Variants in DNAH3 observed in about 807,000 individuals in gnomAD.
DNAH3 encodes dynein axonemal heavy chain 3, also known as axonemal beta dynein heavy chain 3.
DNAH3 carries 332 observed loss-of-function variants against 432.5 expected under a neutral mutation model. The ratio of observed to expected loss-of-function variants is 0.77; its 90% confidence interval spans 0.70 to 0.84. The LOEUF is 0.84. Ranked by LOEUF, DNAH3 falls within the 40% of genes least tolerant of loss-of-function variation. The pLI, the probability that DNAH3 is intolerant of heterozygous loss-of-function variation, is 0.00. For synonymous variants in DNAH3, 1,956 were observed against 1,900.2 expected (o/e 1.03, Z -0.76); for missense variants, 4,861 against 5,114.0 (o/e 0.95, Z 1.51).
chr16:20,987,886 G>C, intron 45 of DNAH3, 37 bp from the exon 46 acceptor site: 2 of 1,613,956 alleles, frequency 1.2e-6, no homozygotes, highest in East Asian at 2.2e-5. Flanking sequence ...GTCAAGGAGG[G>C]GCCAGAAACT....
At chr16:20,984,977 C>T in intron 48 of DNAH3, 72 bp downstream of exon 48, 2 of 1,298,166 alleles carry the variant, frequency 1.5e-6, no homozygotes, top group Non-Finnish European at 2.1e-6. Context: ...AAGGGATTGG[C>T]CTGCTCAGGG....
intron 31 of DNAH3, among the ~76,000 whole-genome samples, chr16:21,044,419 T>G (rs1351369531): frequency 1.1e-3 from 144 of 132,202 alleles, no homozygotes; most frequent in South Asian, 3.5e-3. Context: ...CTAGGTATTT[T>G]ATTCTCTTTG....
At chr16:21,137,185 C>A (rs1263653153) in intron 5 of DNAH3, among the ~76,000 whole-genome samples, 4 of 151,532 alleles carry the variant, frequency 2.6e-5, no homozygotes, top group African/African-American at 7.3e-5. Context: ...TAGAATTTAC[C>A]CCCCGGAAGC....
At chr16:21,060,274 G>A (rs1461382233) in exon 26 of DNAH3, 2 of 1,613,632 alleles carry the variant, frequency 1.2e-6, no homozygotes, top group Admixed American at 3.3e-5. Context: ...CTTGACATAT[G>A]CTTCAATCCC....
intron 21 of DNAH3, among the ~76,000 whole-genome samples, chr16:21,072,237 A>AT (rs201187606): frequency 0.017 from 2,575 of 151,720 alleles, 68 homozygotes; most frequent in African/African-American, 0.051. Context: ...TAATTAATTA[A>AT]TTAATTTTAA....
chr16:21,009,406 G>A (rs761336915), intron 41 of DNAH3, among the ~76,000 whole-genome samples: 1 of 152,200 alleles, frequency 6.6e-6, no homozygotes, highest in Non-Finnish European at 1.5e-5. Flanking sequence ...AAATGACTGT[G>A]ATACGGTGGT....
chr16:20,954,701 A>G (rs1419620468), intron 55 of DNAH3, 112 bp downstream of exon 55: 1 of 1,215,066 alleles, frequency 8.2e-7, no homozygotes, highest in Non-Finnish European at 1.1e-6. Context: ...TTTATACCGT[A>G]TCTTACTGGC....
At chr16:21,052,524 T>C (rs537783635) in intron 28 of DNAH3, among the ~76,000 whole-genome samples, 1 of 152,352 alleles carries the variant, frequency 6.6e-6, no homozygotes, top group East Asian at 1.9e-4. Context: ...GTAAGTTCCT[T>C]GACCTCTCTG....
intron 7 of DNAH3, among the ~76,000 whole-genome samples, chr16:21,128,607 T>C (rs530041339): frequency 4.0e-4 from 60 of 151,302 alleles, no homozygotes; most frequent in South Asian, 2.1e-3. Flanking sequence ...AGGCAGAGAA[T>C]TGCTTGAACT....
At position 20,987,332 on chromosome 16, in the gene DNAH3, G is replaced by A. The variant is rs34663463; in HGVS notation, c.6999C>T (p.Ser2333=). ...TCTCTATGGTCTGCTTGAAGCAATT[G>A]GAGGTGGTTTCCTTCACCATGTTGA... The change falls in exon 47 of 62, where the codon TCC becomes TCT. Residue 2333 remains serine, a synonymous_variant. Coordinates refer to ENST00000261383, the Ensembl canonical transcript of DNAH3. The A allele has an allele frequency of 2.4e-3, 3,925 of 1,614,144 alleles. 83 individuals carry two copies. In the African/African-American group the frequency reaches 0.038, roughly 16 times the overall value.
exon 29 of DNAH3, chr16:21,051,705 C>T (rs2089962188): frequency 6.2e-7 from 1 of 1,613,466 alleles, no homozygotes; most frequent in Admixed American, 1.7e-5. Flanking sequence ...TGATCACCAG[C>T]CGGGGGGAGT....
At chr16:20,977,452 A>G (rs1005358495) in intron 50 of DNAH3, among the ~76,000 whole-genome samples, 1 of 152,142 alleles carries the variant, frequency 6.6e-6, no homozygotes. Flanking sequence ...ACCCCCCTGA[A>G]GTTTGCACTC....
chr16:21,152,907 G>A lies in DNAH3; in HGVS notation c.117+6418C>T, dbSNP rs574944583. ...CCCTCCGTGGGCTCCTGTGCTGCCC[G>A]AGCCTCCCCGACGAGCGCCACCCCC... On this transcript the variant is annotated intron_variant, in intron 1 of 61. Coordinates refer to ENST00000261383, the Ensembl canonical transcript of DNAH3. Among the ~76,000 whole-genome samples, 10 of 152,308 alleles carry A rather than the reference G, an allele frequency of 6.6e-5. No individual in the cohort carries two copies. The East Asian group carries it at 7.7e-4, about 12-fold the overall frequency.
Position 20,989,461 on chromosome 16 carries a change from T to C in DNAH3, c.6602-1396A>G, listed in dbSNP as rs147135878. ...AGAGCAGCTAGATACAGAGTGTCGA[T>C]TGGTGCACTCACAAACCTTCAGCTA... is the stretch of plus-strand genomic sequence containing the variant. On this transcript the variant is annotated intron_variant, in intron 44 of 61. Coordinates refer to ENST00000261383, the Ensembl canonical transcript of DNAH3. 5.8e-3 allele frequency among the ~76,000 whole-genome samples: 890 copies of C among 152,178 alleles called. 23 individuals are homozygous for C. Among genetic ancestry groups the C allele is most frequent in the Admixed American group, 0.043 (663 of 15,282 alleles).
At chr16:21,137,976 G>A (rs868114659) in intron 5 of DNAH3, among the ~76,000 whole-genome samples, 1 of 152,008 alleles carries the variant, frequency 6.6e-6, no homozygotes, top group Admixed American at 6.6e-5. Flanking sequence ...GGCCAGGCAC[G>A]GTGGCTCATG....
chr16:20,987,926 CAG>C lies in DNAH3; in HGVS notation c.6725+14_6725+15del. ...ACCCCCAGCCCACTATCCAGGAAGA[CAG>C]AGAAACCTCTTACCTTAAAAACATC... is the stretch of plus-strand genomic sequence containing the variant. On this transcript the variant is annotated intron_variant, in intron 45 of 61. Transcript: ENST00000261383. 1 of 1,614,184 alleles carries C rather than the reference CAG, an allele frequency of 6.2e-7. No homozygotes were observed. The highest frequency in any genetic ancestry group is 8.5e-7 in the Non-Finnish European group (1 of 1,180,032).
chr16:21,004,556 C>T (rs1416364299), intron 41 of DNAH3, among the ~76,000 whole-genome samples: 1 of 152,020 alleles, frequency 6.6e-6, no homozygotes, highest in African/African-American at 2.4e-5. Context: ...TTAGTAGACA[C>T]AGGGTTTTGC....
intron 7 of DNAH3, among the ~76,000 whole-genome samples, chr16:21,131,422 A>AG (rs1366278965): frequency 6.6e-6 from 1 of 151,436 alleles, no homozygotes; most frequent in Admixed American, 6.6e-5. Context: ...AGAGAAAGAA[A>AG]GAAGAAAAGA....
rs996357904 is a variant in DNAH3, at chr16:20,964,343, A to G, written c.9541T>C (p.Tyr3181His). The change falls in exon 53 of 62, where the codon TAC becomes CAC. Residue 3181 changes from tyrosine to histidine, a missense_variant. Tyr to His is a moderately conservative substitution (Grantham distance 83). Transcript: ENST00000261383. ...ACCTTCACGGCAACTTCTGGGAGGTAATGTGGATTCCTCAAACGGGTTGTG... is the reference window on the plus strand; with the variant it reads ...ACCTTCACGGCAACTTCTGGGAGGTGATGTGGATTCCTCAAACGGGTTGTG... 6 of 1,614,048 alleles carry G rather than the reference A, an allele frequency of 3.7e-6. No homozygotes were observed. The highest frequency in any genetic ancestry group is 5.1e-6 in the Non-Finnish European group (6 of 1,180,034).
Sources: gnomAD v4.1 joint callset for allele counts (sites outside exome capture counted in the v4.1 genomes callset) on GRCh38, gnomAD v4.1.1 for gene constraint, MANE v1.5 for transcripts, NCBI Gene and HGNC (gene_info 2026-07-23, HGNC 2026-07-21) for gene names.